The following DTNA variants were observed in gnomAD, a reference collection of about 807,000 sequenced individuals.
The protein encoded by DTNA is dystrophin-related protein 3.
Under a neutral mutation model 100.7 loss-of-function variants are expected in DTNA, and 43 were observed. The ratio of observed to expected loss-of-function variants is 0.43; its 90% CI spans 0.33 to 0.55. The LOEUF (loss-of-function observed/expected upper bound fraction) is 0.55. Ranked by LOEUF, DTNA falls within the 20% of genes least tolerant of loss-of-function variation. DTNA has a pLI of 0.04. For synonymous variants in DTNA, 349 were observed against 347.9 expected (o/e 1.00, Z -0.04); for missense variants, 798 against 953.9 (o/e 0.84, Z 2.15).
chr18:34,537,699 C>CA lies in DTNA; in HGVS notation c.-2+44187dup, dbSNP rs2043851507. 2.0e-5 allele frequency among the ~76,000 whole-genome samples: 3 copies of CA among 151,538 alleles called. No individual in the cohort carries two copies. In the South Asian group the frequency reaches 6.3e-4, roughly 32 times the overall value. On this transcript the variant is annotated intron_variant, in intron 1 of 19. Coordinates refer to the DTNA transcript ENST00000283365. Reference sequence around the variant, plus strand: ...GAAGATAGGTCTGCAGTAAAATTAACAATAACCTGGAACTATAATTTCAGA... The same window carrying CA: ...GAAGATAGGTCTGCAGTAAAATTAACAAATAACCTGGAACTATAATTTCAGA...
intron 1 of DTNA, among the ~76,000 whole-genome samples, chr18:34,654,409 AAGCTCT>A (rs984109144): frequency 6.6e-6 from 1 of 152,204 alleles, no homozygotes; most frequent in Non-Finnish European, 1.5e-5. Context: ...TTCTCTAAGT[AAGCTCT>A]ATTATTACCT....
chr18:34,884,799 G>A, intron 22 of DTNA, 23 bp downstream of exon 22: 1 of 1,612,688 alleles, frequency 6.2e-7, no homozygotes, highest in Non-Finnish European at 8.5e-7. Flanking sequence ...TTATTTAGGA[G>A]GAATCATGGC....
intron 1 of DTNA, among the ~76,000 whole-genome samples, chr18:34,572,930 A>C (rs955988017): frequency 2.0e-5 from 3 of 152,312 alleles, no homozygotes; most frequent in Non-Finnish European, 4.4e-5. Context: ...TTCACTTATT[A>C]ATCCTGAGCC....
intron 1 of DTNA, among the ~76,000 whole-genome samples, chr18:34,631,057 A>G (rs2148109026): frequency 6.6e-6 from 1 of 152,294 alleles, no homozygotes; most frequent in African/African-American, 2.4e-5. Flanking sequence ...TACAAATGAA[A>G]ATGATTTAAA....
intron 1 of DTNA, among the ~76,000 whole-genome samples, chr18:34,510,035 A>G (rs1243955026): frequency 1.3e-5 from 2 of 150,376 alleles, no homozygotes; most frequent in African/African-American, 4.9e-5. Context: ...AGGGATAAAA[A>G]TAGTCCTGTG....
chr18:34,512,331 A>G (rs2041173740), intron 1 of DTNA, among the ~76,000 whole-genome samples: 1 of 152,008 alleles, frequency 6.6e-6, no homozygotes, highest in Non-Finnish European at 1.5e-5. Flanking sequence ...TAAATGTACA[A>G]ATTCATCTCA....
intron 1 of DTNA, among the ~76,000 whole-genome samples, chr18:34,536,428 A>G (rs1210224089): frequency 6.6e-6 from 1 of 151,922 alleles, no homozygotes. Context: ...CCATCAAAAC[A>G]TGTTATTGAT....
intron 5 of DTNA, among the ~76,000 whole-genome samples, chr18:34,808,068 T>A (rs546377574): frequency 6.6e-6 from 1 of 152,090 alleles, no homozygotes; most frequent in Admixed American, 6.5e-5. Flanking sequence ...AACAAAAAAA[T>A]CCACTTGAGA....
intron 20 of DTNA, 56 bp from the exon 21 acceptor site, chr18:34,882,013 G>A (rs1269815619): frequency 6.8e-6 from 11 of 1,612,682 alleles, no homozygotes; most frequent in East Asian, 2.2e-5. Context: ...CATGAATCCC[G>A]CTTGTAATTC....
intron 1 of DTNA, among the ~76,000 whole-genome samples, chr18:34,724,243 T>G (rs1008967839): frequency 4.6e-5 from 7 of 152,202 alleles, no homozygotes; most frequent in African/African-American, 1.4e-4. Flanking sequence ...TAACCTTAAA[T>G]GGATACAAAG....
At chr18:34,667,671 A>G (rs1599845730) in intron 1 of DTNA, among the ~76,000 whole-genome samples, 1 of 152,094 alleles carries the variant, frequency 6.6e-6, no homozygotes, top group East Asian at 1.9e-4. Context: ...TTCTGCATCT[A>G]TTTAGATAAT....
chr18:34,876,274 G>A (rs1269504939), intron 18 of DTNA, among the ~76,000 whole-genome samples: 1 of 152,262 alleles, frequency 6.6e-6, no homozygotes, highest in East Asian at 1.9e-4. Flanking sequence ...ATTCTTCGAA[G>A]TCTTCACATA....
intron 1 of DTNA, among the ~76,000 whole-genome samples, chr18:34,745,353 T>A (rs1303982130): frequency 1.3e-5 from 2 of 152,168 alleles, no homozygotes; most frequent in African/African-American, 4.8e-5. Flanking sequence ...GAAGCCCAGA[T>A]CACAATTAGC....
At chr18:34,716,799 G>C (rs1386541650) in intron 1 of DTNA, among the ~76,000 whole-genome samples, 1 of 152,172 alleles carries the variant, frequency 6.6e-6, no homozygotes, top group African/African-American at 2.4e-5. Context: ...AGAAAAGTCT[G>C]TGAATCCCTT....
At chr18:34,817,652 A>T (rs2095625850) in intron 7 of DTNA, among the ~76,000 whole-genome samples, 1 of 152,140 alleles carries the variant, frequency 6.6e-6, no homozygotes, top group Admixed American at 6.5e-5. Context: ...TCTATTTTTT[A>T]AAAAATAACT....
intron 1 of DTNA, among the ~76,000 whole-genome samples, chr18:34,730,886 G>T (rs2087964113): frequency 1.3e-5 from 2 of 152,194 alleles, no homozygotes; most frequent in Non-Finnish European, 2.9e-5. Flanking sequence ...TTTGGGGTTG[G>T]CAAGGACTGG....
At chr18:34,532,120 C>T (rs528280240) in intron 1 of DTNA, among the ~76,000 whole-genome samples, 11 of 152,160 alleles carry the variant, frequency 7.2e-5, no homozygotes, top group African/African-American at 1.2e-4. Context: ...ACATGACATC[C>T]GCCTCCTCTT....
chr18:34,845,332 A>G (rs769542675), intron 13 of DTNA, among the ~76,000 whole-genome samples: 1 of 152,170 alleles, frequency 6.6e-6, no homozygotes, highest in African/African-American at 2.4e-5. Context: ...ATCACTTGCT[A>G]TACAGAATCC....
At position 34,511,477 on chromosome 18, in the gene DTNA, T is replaced by TA. The variant is rs567285783; in HGVS notation, c.-2+17970dup. 2.0e-4 allele frequency among the ~76,000 whole-genome samples: 30 copies of TA among 152,052 alleles called. No homozygotes were observed. In the East Asian group the frequency reaches 4.6e-3, roughly 24 times the overall value. On this transcript the variant is annotated intron_variant, in intron 1 of 19. Transcript: ENST00000283365. ...CTGGGCTCTATGACTTAGTTATTAGTAAAAAAAGAAGATAACTTGAGAGTT... is the reference window on the plus strand; with the variant it reads ...CTGGGCTCTATGACTTAGTTATTAGTAAAAAAAAGAAGATAACTTGAGAGTT...
Sources: gnomAD v4.1 joint callset for allele counts (sites outside exome capture counted in the v4.1 genomes callset) on GRCh38, gnomAD v4.1.1 for gene constraint, MANE v1.5 for transcripts, NCBI Gene and HGNC (gene_info 2026-07-23, HGNC 2026-07-21) for gene names.